The following SHANK1 variants were observed in gnomAD, a reference collection of about 807,000 sequenced individuals.
SHANK1 encodes the protein SH3 and multiple ankyrin repeat domains 1, also known as SH3 and multiple ankyrin repeat domains protein 1.
SHANK1 carries 35 observed loss-of-function variants against 165.6 expected under a neutral mutation model. That is an observed-to-expected ratio of 0.21 (90% CI 0.16 to 0.28). SHANK1 has a LOEUF of 0.28. Among genes scored for constraint, SHANK1 ranks in the 10% least tolerant of loss-of-function variants. The pLI is 1.00. For missense variants in SHANK1, 2,681 were observed against 3,036.4 expected (o/e 0.88, Z 2.75); for synonymous variants, 1,428 against 1,384.8 (o/e 1.03, Z -0.69).
At chr19:50,710,633 C>T (rs1568444695) in intron 8 of SHANK1, among the ~76,000 whole-genome samples, 2 of 152,210 alleles carry the variant, frequency 1.3e-5, no homozygotes, top group Non-Finnish European at 2.9e-5. Flanking sequence ...CCTAGGAACT[C>T]CAGAAGTGGG....
intron 6 of SHANK1, among the ~76,000 whole-genome samples, chr19:50,712,622 G>A (rs1350862766): frequency 2.0e-5 from 3 of 152,208 alleles, no homozygotes; most frequent in Non-Finnish European, 4.4e-5. Flanking sequence ...GGGGCTGGAG[G>A]CCACTTCCTG....
intron 8 of SHANK1, among the ~76,000 whole-genome samples, chr19:50,708,402 A>T (rs139135698): frequency 6.6e-6 from 1 of 152,024 alleles, no homozygotes; most frequent in Non-Finnish European, 1.5e-5. Context: ...AGAAACTCGC[A>T]TTTAACGGCA....
At chr19:50,692,456 G>GATATATATATATATATATATATAT (rs142402078) in intron 15 of SHANK1, among the ~76,000 whole-genome samples, 76 of 128,602 alleles carry the variant, frequency 5.9e-4, no homozygotes, top group African/African-American at 1.2e-3. Flanking sequence ...GAATTCACCA[G>GATATATATATATATATATATATAT]ATATATATAT....
chr19:50,682,009 G>C (rs977100517), intron 21 of SHANK1, among the ~76,000 whole-genome samples: 3 of 152,036 alleles, frequency 2.0e-5, no homozygotes, highest in Non-Finnish European at 4.4e-5. Context: ...CTCCCAAAGT[G>C]TTGGGATTAC....
chr19:50,661,711 T>G lies in SHANK1; in HGVS notation c.*254A>C. 1.9e-6 allele frequency: 1 copy of G among 514,636 alleles called. No homozygotes were observed. The highest frequency in any genetic ancestry group is 3.5e-6 in the Non-Finnish European group (1 of 287,920). The allele number at this position is 514,636 out of a possible 1,614,324, so 31.9% of individuals were successfully genotyped here. A position where few individuals can be genotyped will look rare whatever the true frequency, so the allele number is the denominator to read the frequency against. ...CTCCTTCTCAATTCCCCTCTGTAAT[T>G]TCTCCTATCCCCCCTCCGCTCCCCG... On this transcript the variant is annotated 3_prime_UTR_variant, in exon 24 of 24. Transcript: ENST00000293441.
intron 23 of SHANK1, among the ~76,000 whole-genome samples, chr19:50,665,587 AAAAAAG>A (rs1985453920): frequency 6.7e-6 from 1 of 148,870 alleles, no homozygotes; most frequent in East Asian, 2.0e-4. Flanking sequence ...AAAAAAAAAA[AAAAAAG>A]AAGAAGAAAA....
At position 50,659,327 on chromosome 19, in the gene SHANK1, C is replaced by A; in HGVS notation, c.*2638G>T. On this transcript the variant is annotated 3_prime_UTR_variant, in exon 24 of 24. Transcript: ENST00000293441. Reference sequence around the variant, plus strand: ...CAAAAGCCATTTCTCTCTGCAAAATCTTGGTGGGGAGTCAGGGGAAGGGAG... The same window carrying A: ...CAAAAGCCATTTCTCTCTGCAAAATATTGGTGGGGAGTCAGGGGAAGGGAG... 2.2e-6 allele frequency: 1 copy of A among 452,678 alleles called. No individual in the cohort carries two copies. The highest frequency in any genetic ancestry group is 3.6e-6 in the Non-Finnish European group (1 of 278,306). 28.0% of individuals were successfully genotyped at this position (452,678 alleles called of 1,614,324 possible). A position where few individuals can be genotyped will look rare whatever the true frequency, so the allele number is the denominator to read the frequency against.
intron 23 of SHANK1, among the ~76,000 whole-genome samples, chr19:50,665,982 G>A (rs907224790): frequency 4.0e-5 from 6 of 150,398 alleles, no homozygotes; most frequent in African/African-American, 1.5e-4. Flanking sequence ...TTGCACTCCA[G>A]CCTGGGCAAC....
At position 50,702,964 on chromosome 19, in the gene SHANK1, C is replaced by T. The variant is rs568206609; in HGVS notation, c.1554-304G>A. Among the ~76,000 whole-genome samples the T allele has an allele frequency of 6.6e-6, 1 of 152,264 alleles. No homozygotes were observed. Among genetic ancestry groups the T allele is most frequent in the Admixed American group, 6.5e-5 (1 of 15,298 alleles). On this transcript the variant is annotated intron_variant, in intron 11 of 23. Coordinates refer to ENST00000293441, the MANE Select transcript of SHANK1 (RefSeq NM_016148.5). This position sits in a 1 kb window ranked among gnomAD's most constrained non-coding sequence, Gnocchi z 5.3. ...CTGTGTCATCCCTCCGCTCACGAGC[C>T]TTCCGCGACTCCCAGCTTCCTCCTG... is the stretch of plus-strand genomic sequence containing the variant.
chr19:50,679,865 G>A (rs528920497), intron 21 of SHANK1, among the ~76,000 whole-genome samples: 1 of 151,988 alleles, frequency 6.6e-6, no homozygotes, highest in African/African-American at 2.4e-5. Context: ...GACAGAGACA[G>A]ACAGACAAAG....
intron 4 of SHANK1, among the ~76,000 whole-genome samples, chr19:50,714,665 C>T (rs1464842108): frequency 5.4e-5 from 7 of 129,862 alleles, no homozygotes; most frequent in East Asian, 4.4e-4. Context: ...CACTGCAGCC[C>T]GGGTGACAGA....
chr19:50,662,257 AGCCCCCCGG>A lies in SHANK1; in HGVS notation c.6185_6193del (p.Ser2062_Leu2065delinsPhe). 6.2e-7 allele frequency: 1 copy of A among 1,610,854 alleles called. No homozygotes were observed. The highest frequency in any genetic ancestry group is 8.5e-7 in the Non-Finnish European group (1 of 1,177,852). Reference sequence around the variant, plus strand: ...CGAGGCCCCTGACAAGGCTCCCCCGAGCCCCCCGGATATCCCCGGGTGTGGCGGCACAAA... The same window carrying A: ...CGAGGCCCCTGACAAGGCTCCCCCGAATATCCCCGGGTGTGGCGGCACAAA... On this transcript the variant is annotated inframe_deletion, in exon 24 of 24. Transcript: ENST00000293441. This position sits in a 1 kb window ranked among gnomAD's most constrained non-coding sequence, Gnocchi z 7.7.
intron 16 of SHANK1, 58 bp downstream of exon 16, chr19:50,689,139 A>T: frequency 7.1e-7 from 1 of 1,408,304 alleles, no homozygotes; most frequent in Non-Finnish European, 1.0e-6. Context: ...CCCCATTTTC[A>T]GCCCTGCTTC....
chr19:50,689,391 G>A, intron 15 of SHANK1, 112 bp from the exon 16 acceptor site: 1 of 781,588 alleles, frequency 1.3e-6, no homozygotes, highest in Non-Finnish European at 2.3e-6. Context: ...CTGCTCCAGG[G>A]CCATTAATTG....
chr19:50,703,905 A>G, intron 10 of SHANK1, 75 bp from the exon 11 acceptor site: 1 of 701,330 alleles, frequency 1.4e-6, no homozygotes, highest in Non-Finnish European at 2.3e-6. Flanking sequence ...CGGGGGCAAG[A>G]GATGGTGGGA....
chr19:50,680,676 G>A (rs545350575), intron 21 of SHANK1, among the ~76,000 whole-genome samples: 1 of 134,714 alleles, frequency 7.4e-6, no homozygotes, highest in East Asian at 2.1e-4. Context: ...TTTTCCCCGA[G>A]ACAGAATCGC....
rs2089116827 is a variant in SHANK1 at position 50,719,794 on chromosome 19, G to GCTGTCTCTCCCTCACC, written c.-433_-432insGGTGAGGGAGAGACAG. Among the ~76,000 whole-genome samples the GCTGTCTCTCCCTCACC allele has an allele frequency of 6.7e-6, 1 of 150,192 alleles. No individual in the cohort carries two copies. Among genetic ancestry groups the GCTGTCTCTCCCTCACC allele is most frequent in the Non-Finnish European group, 1.5e-5 (1 of 67,382 alleles). On this transcript the variant is annotated 5_prime_UTR_variant, in exon 1 of 24. Coordinates refer to ENST00000293441, the MANE Select transcript of SHANK1 (RefSeq NM_016148.5). ...CCACCCTTCTCGCTCTCTCGCTCTC[G>GCTGTCTCTCCCTCACC]CTGTCTCTCCCTCACCCTGTCTCTC...
chr19:50,680,485 C>T (rs1256209528), intron 21 of SHANK1, among the ~76,000 whole-genome samples: 3 of 152,036 alleles, frequency 2.0e-5, no homozygotes, highest in Non-Finnish European at 4.4e-5. Context: ...TACCGAGGGG[C>T]GGATGGACAG....
chr19:50,686,831 G>A lies in SHANK1; in HGVS notation c.2390-19C>T, dbSNP rs758716203. The stretch of plus-strand genomic sequence containing the variant: ...TCGTACTCTGTGGGCAAAGAACACG[G>A]ATGACGCCCAGGGAGCCCCCGGGGG... On this transcript the variant is annotated intron_variant, in intron 19 of 23. Transcript: ENST00000293441. The surrounding 1 kb of genome is among the most constrained non-coding windows in gnomAD (Gnocchi z 5.7). 4 of 1,613,394 alleles carry A rather than the reference G, an allele frequency of 2.5e-6. No individual in the cohort carries two copies. The South Asian group carries it at 4.4e-5, about 18-fold the overall frequency.
Sources: gnomAD v4.1 joint callset for allele counts (sites outside exome capture counted in the v4.1 genomes callset) on GRCh38, gnomAD v4.1.1 for gene constraint, Gnocchi (gnomAD v3.1) non-coding constraint, MANE v1.5 for transcripts, NCBI Gene and HGNC (gene_info 2026-07-23, HGNC 2026-07-21) for gene names.